ZNF407: variants seen among roughly 807,000 people sequenced by gnomAD.
ZNF407 encodes the protein zinc finger protein 407.
ZNF407 carries 17 observed loss-of-function variants against 131.2 expected under a neutral mutation model. The observed-to-expected ratio is 0.13, with a 90% CI of 0.09 to 0.19. The LOEUF is 0.19. Among genes scored for constraint, ZNF407 ranks in the 10% least tolerant of loss-of-function variants. The pLI, the probability that ZNF407 is intolerant of heterozygous loss-of-function variation, is 1.00. For missense variants in ZNF407, 2,681 were observed against 2,830.6 expected (o/e 0.95, Z 1.20); for synonymous variants, 1,156 against 1,062.0 (o/e 1.09, Z -1.72).
intron 8 of ZNF407, among the ~76,000 whole-genome samples, chr18:74,944,256 C>G (rs1281967831): frequency 1.3e-5 from 2 of 152,074 alleles, no homozygotes; most frequent in Non-Finnish European, 2.9e-5. Context: ...TTAATTTACA[C>G]CGATTTATAA....
intron 3 of ZNF407, among the ~76,000 whole-genome samples, chr18:74,743,603 T>G (rs1439035278): frequency 6.6e-6 from 1 of 152,176 alleles, no homozygotes; most frequent in Non-Finnish European, 1.5e-5. Flanking sequence ...GTTGTCATGT[T>G]TTAAGATCTG....
chr18:74,658,922 A>G (rs143177371), intron 3 of ZNF407, among the ~76,000 whole-genome samples: 1 of 152,176 alleles, frequency 6.6e-6, no homozygotes, highest in Non-Finnish European at 1.5e-5. Context: ...AAAACATTAT[A>G]TATCTATCTA....
At chr18:75,002,377 T>G (rs1972855464) in intron 8 of ZNF407, among the ~76,000 whole-genome samples, 1 of 152,028 alleles carries the variant, frequency 6.6e-6, no homozygotes, top group African/African-American at 2.4e-5. Context: ...CAGCTGTAAT[T>G]GTTGGTAGGA....
chr18:75,025,497 T>A (rs1432551679), intron 8 of ZNF407, among the ~76,000 whole-genome samples: 1 of 152,214 alleles, frequency 6.6e-6, no homozygotes, highest in East Asian at 1.9e-4. Context: ...CGTGGTGTGC[T>A]CCATGTTGAT....
intron 8 of ZNF407, among the ~76,000 whole-genome samples, chr18:75,043,835 A>C (rs905960459): frequency 6.6e-6 from 1 of 152,194 alleles, no homozygotes; most frequent in Non-Finnish European, 1.5e-5. Context: ...CCATGGTCCA[A>C]CTGAGGACAT....
chr18:74,776,372 T>A (rs754100980), intron 3 of ZNF407, among the ~76,000 whole-genome samples: 20 of 152,216 alleles, frequency 1.3e-4, no homozygotes, highest in Non-Finnish European at 2.2e-4. Context: ...GACTGAGTCC[T>A]GTAAGCATTT....
At chr18:74,811,708 G>A (rs919194873) in intron 4 of ZNF407, among the ~76,000 whole-genome samples, 7 of 151,934 alleles carry the variant, frequency 4.6e-5, no homozygotes, top group Non-Finnish European at 1.0e-4. Flanking sequence ...AAAATGATGA[G>A]TTCATGTCCT....
At chr18:74,889,532 C>G (rs1002579608) in intron 6 of ZNF407, among the ~76,000 whole-genome samples, 2 of 152,106 alleles carry the variant, frequency 1.3e-5, no homozygotes, top group African/African-American at 4.8e-5. Context: ...TATATATTCA[C>G]AGTATATCTC....
intron 1 of ZNF407, among the ~76,000 whole-genome samples, chr18:74,613,871 T>C (rs528906129): frequency 2.6e-5 from 4 of 152,328 alleles, no homozygotes; most frequent in Admixed American, 6.5e-5. Flanking sequence ...GGGAAAAGAA[T>C]TGTTTAACAT....
chr18:74,611,240 A>C (rs938311009), intron 1 of ZNF407, among the ~76,000 whole-genome samples: 1 of 152,378 alleles, frequency 6.6e-6, no homozygotes, highest in African/African-American at 2.4e-5. Flanking sequence ...GGTCTTAAAA[A>C]GATCACAGAG....
At chr18:74,853,753 C>G (rs894346952) in intron 4 of ZNF407, among the ~76,000 whole-genome samples, 4 of 152,006 alleles carry the variant, frequency 2.6e-5, no homozygotes, top group Non-Finnish European at 4.4e-5. Flanking sequence ...CACTGTGTAC[C>G]CACCCAGCAA....
rs778262377 is a variant in ZNF407 at position 74,631,723 on chromosome 18, A to G, written c.704A>G (p.Lys235Arg). ...ESSSALHMHI[K>R]QAHGPQKVFS... ...AGCTCAGCACTACATATGCATATCA[A>G]ACAAGCACATGGGCCACAGAAGGTC... is the stretch of plus-strand genomic sequence containing the variant. The change falls in exon 2 of 9, where the codon AAA becomes AGA. Residue 235 changes from lysine (K) to arginine (R), a missense_variant. Transcript: ENST00000299687. 6.2e-7 allele frequency: 1 copy of G among 1,614,016 alleles called. No individual in the cohort carries two copies. Among genetic ancestry groups the G allele is most frequent in the Non-Finnish European group, 8.5e-7 (1 of 1,179,892 alleles).
At chr18:74,658,418 C>T (rs1313963192) in intron 3 of ZNF407, among the ~76,000 whole-genome samples, 3 of 151,988 alleles carry the variant, frequency 2.0e-5, no homozygotes, top group African/African-American at 7.3e-5. Flanking sequence ...GCCTGGCCTT[C>T]GTCTTTATTT....
intron 3 of ZNF407, among the ~76,000 whole-genome samples, chr18:74,723,438 C>A (rs1053339410): frequency 6.6e-6 from 1 of 152,156 alleles, no homozygotes; most frequent in Non-Finnish European, 1.5e-5. Flanking sequence ...GGTATGTTTT[C>A]ATTTTAGCAG....
chr18:74,828,790 G>A (rs937505838), intron 4 of ZNF407, among the ~76,000 whole-genome samples: 6 of 131,170 alleles, frequency 4.6e-5, no homozygotes, highest in African/African-American at 1.5e-4. Context: ...TCTGTGGTGA[G>A]TTATGTAAAC....
At chr18:75,031,155 T>C (rs1361843101) in intron 8 of ZNF407, among the ~76,000 whole-genome samples, 1 of 152,170 alleles carries the variant, frequency 6.6e-6, no homozygotes, top group African/African-American at 2.4e-5. Flanking sequence ...CATAATCACC[T>C]GTAAAGGGCC....
intron 8 of ZNF407, among the ~76,000 whole-genome samples, chr18:75,013,209 A>T (rs1568300846): frequency 1.3e-5 from 2 of 152,136 alleles, no homozygotes; most frequent in African/African-American, 2.4e-5. Flanking sequence ...ATGCGGTGAC[A>T]TGTGGGCAAT....
intron 4 of ZNF407, among the ~76,000 whole-genome samples, chr18:74,830,310 T>TCTTG (rs1396523594): frequency 1.3e-5 from 2 of 152,202 alleles, no homozygotes; most frequent in African/African-American, 4.8e-5. Flanking sequence ...TGAGACAAGG[T>TCTTG]CTTGCTCTGT....
At chr18:74,755,551 T>TC (rs1568199502) in intron 3 of ZNF407, among the ~76,000 whole-genome samples, 2 of 11,264 alleles carry the variant, frequency 1.8e-4, no homozygotes, top group Admixed American at 7.0e-4. Context: ...CTCCCTCCCT[T>TC]CCTTCTTCCT....
Sources: gnomAD v4.1 joint callset for allele counts (sites outside exome capture counted in the v4.1 genomes callset) on GRCh38, gnomAD v4.1.1 for gene constraint, MANE v1.5 for transcripts, NCBI Gene and HGNC (gene_info 2026-07-23, HGNC 2026-07-21) for gene names.